IMPA2: variants seen among roughly 807,000 people sequenced by gnomAD.
IMPA2 encodes the protein inositol monophosphatase 2.
Under a neutral mutation model 35.1 loss-of-function variants are expected in IMPA2, and 32 were observed. The observed-to-expected ratio is 0.91, with a 90% CI of 0.69 to 1.23. The LOEUF is 1.23. Ranked by LOEUF, IMPA2 falls within the 50% of genes most tolerant of loss-of-function variation. The pLI is 0.00. For synonymous variants in IMPA2, 135 were observed against 160.6 expected (o/e 0.84, Z 1.20); for missense variants, 334 against 387.6 (o/e 0.86, Z 1.16).
chr18:11,986,834 G>A (rs928394472), intron 1 of IMPA2, among the ~76,000 whole-genome samples: 1 of 152,254 alleles, frequency 6.6e-6, no homozygotes, highest in African/African-American at 2.4e-5. Context: ...TCTGTGTTAC[G>A]CCGTGTAGTG....
At chr18:12,024,248 G>A (rs1392971623) in intron 5 of IMPA2, among the ~76,000 whole-genome samples, 3 of 152,196 alleles carry the variant, frequency 2.0e-5, no homozygotes, top group Admixed American at 2.0e-4. Flanking sequence ...AAAGCACTGT[G>A]TGAGATGGGT....
At chr18:12,029,063 C>A in intron 7 of IMPA2, 70 bp downstream of exon 7, 1 of 1,346,700 alleles carries the variant, frequency 7.4e-7, no homozygotes, top group African/African-American at 1.5e-5. Context: ...GGGGCACTTC[C>A]TGAAGTCCCC....
intron 2 of IMPA2, among the ~76,000 whole-genome samples, chr18:12,000,907 G>A (rs1398929501): frequency 6.7e-6 from 1 of 149,356 alleles, no homozygotes; most frequent in South Asian, 2.2e-4. Flanking sequence ...GATCCACTAC[G>A]CCCGGCCCCA....
chr18:12,022,596 A>G (rs1274069256), intron 5 of IMPA2, among the ~76,000 whole-genome samples: 1 of 146,948 alleles, frequency 6.8e-6, no homozygotes, highest in African/African-American at 2.5e-5. Flanking sequence ...GATATGGTAA[A>G]TATAGGACAA....
intron 1 of IMPA2, among the ~76,000 whole-genome samples, chr18:11,993,147 A>AT (rs1906864092): frequency 6.6e-6 from 1 of 152,178 alleles, no homozygotes; most frequent in South Asian, 2.1e-4. Flanking sequence ...ACCTCATGTG[A>AT]TTCCTAAAAC....
chr18:12,005,719 C>T (rs577062678), intron 2 of IMPA2, among the ~76,000 whole-genome samples: 44 of 152,258 alleles, frequency 2.9e-4, no homozygotes, highest in African/African-American at 9.4e-4. Context: ...CTGGGAGGCA[C>T]GTGGGCATGC....
In IMPA2 at chr18:12,010,044, G is replaced by A; in HGVS notation, c.335+57G>A. On this transcript the variant is annotated intron_variant, in intron 3 of 7. Transcript: ENST00000269159. This position sits in a 1 kb window ranked among gnomAD's most constrained non-coding sequence, Gnocchi z 4.8. Reference sequence around the variant, plus strand: ...GGCTTAACATGTCCTCTTCTGTGAGGTTTTGTCTTTTCAAAAGCAGCATTT... The same window carrying A: ...GGCTTAACATGTCCTCTTCTGTGAGATTTTGTCTTTTCAAAAGCAGCATTT... 7.3e-7 allele frequency: 1 copy of A among 1,368,518 alleles called. No homozygotes were observed. Among genetic ancestry groups the A allele is most frequent in the Non-Finnish European group, 1.0e-6 (1 of 964,098 alleles). The allele number at this position is 1,368,518 out of a possible 1,614,324, so 84.8% of individuals were successfully genotyped here.
intron 1 of IMPA2, among the ~76,000 whole-genome samples, chr18:11,987,232 A>G (rs1036103277): frequency 6.6e-6 from 1 of 152,354 alleles, no homozygotes. Context: ...TTCCCAGCTG[A>G]CATAGATGCT....
chr18:11,984,984 A>C (rs1490515425), intron 1 of IMPA2, among the ~76,000 whole-genome samples: 2 of 119,804 alleles, frequency 1.7e-5, no homozygotes, highest in African/African-American at 6.1e-5. Context: ...AAAAAAAAAA[A>C]ACAACAAAAA....
At chr18:12,008,162 A>G (rs1907330635) in intron 2 of IMPA2, among the ~76,000 whole-genome samples, 1 of 151,904 alleles carries the variant, frequency 6.6e-6, no homozygotes. Flanking sequence ...CGCCCAGCTA[A>G]TTTTTGTATT....
intron 1 of IMPA2, among the ~76,000 whole-genome samples, chr18:11,995,404 C>T (rs913260715): frequency 3.9e-5 from 6 of 152,344 alleles, no homozygotes; most frequent in South Asian, 2.1e-4. Context: ...TGAGGCCACA[C>T]GTATCCGCGT....
chr18:12,029,364 T>C (rs1430291420), intron 7 of IMPA2, among the ~76,000 whole-genome samples: 1 of 151,896 alleles, frequency 6.6e-6, no homozygotes, highest in African/African-American at 2.4e-5. Context: ...TCCGCCTGCC[T>C]CGGTCTCCCA....
chr18:11,993,122 A>C (rs1906863023), intron 1 of IMPA2, among the ~76,000 whole-genome samples: 1 of 152,142 alleles, frequency 6.6e-6, no homozygotes, highest in African/African-American at 2.4e-5. Context: ...GTGGACCAAG[A>C]CCTTTTCATA....
chr18:12,020,963 G>C (rs1347374003), intron 5 of IMPA2, among the ~76,000 whole-genome samples: 1 of 149,122 alleles, frequency 6.7e-6, no homozygotes, highest in Non-Finnish European at 1.5e-5. Flanking sequence ...AGTTCTTTTT[G>C]GTTACCTACT....
intron 5 of IMPA2, among the ~76,000 whole-genome samples, chr18:12,025,432 T>A: frequency 6.6e-6 from 1 of 152,234 alleles, no homozygotes; most frequent in African/African-American, 2.4e-5. Flanking sequence ...TGTTTAGATT[T>A]GTAGGAAACT....
chr18:12,010,014 T>A lies in IMPA2; in HGVS notation c.335+27T>A. 6.5e-7 allele frequency: 1 copy of A among 1,542,378 alleles called. No individual in the cohort carries two copies. The highest frequency in any genetic ancestry group is 9.0e-7 in the Non-Finnish European group (1 of 1,116,184). ...TGAGCTGAGCAGGGATCGCCTCCAT[T>A]GCAGGGCTTAACATGTCCTCTTCTG... On this transcript the variant is annotated intron_variant, in intron 3 of 7. Transcript: ENST00000269159. The surrounding 1 kb of genome is among the most constrained non-coding windows in gnomAD (Gnocchi z 4.8).
At chr18:12,016,845 C>T (rs536541687) in intron 5 of IMPA2, among the ~76,000 whole-genome samples, 10 of 152,244 alleles carry the variant, frequency 6.6e-5, no homozygotes, top group African/African-American at 2.2e-4. Context: ...AAATAAGTTA[C>T]GCATATAAAG....
At chr18:11,983,681 C>T (rs644710) in intron 1 of IMPA2, among the ~76,000 whole-genome samples, 61,748 of 151,600 alleles carry the variant, frequency 0.41, 14,058 homozygotes, top group African/African-American at 0.6. Flanking sequence ...ATTAGGAGTC[C>T]GGTCAGGAAG....
chr18:12,029,056 GC>G, intron 7 of IMPA2, 63 bp downstream of exon 7: 2 of 1,488,214 alleles, frequency 1.3e-6, no homozygotes, highest in African/African-American at 1.4e-5. Context: ...TGTGGGTGGG[GC>G]ACTTCCTGAA....
Sources: gnomAD v4.1 joint callset for allele counts (sites outside exome capture counted in the v4.1 genomes callset) on GRCh38, gnomAD v4.1.1 for gene constraint, Gnocchi (gnomAD v3.1) non-coding constraint, MANE v1.5 for transcripts, NCBI Gene and HGNC (gene_info 2026-07-23, HGNC 2026-07-21) for gene names.